Variants in RYR2 observed in about 807,000 individuals in gnomAD.
RYR2 encodes the protein cardiac muscle ryanodine receptor-calcium release channel.
In RYR2, 227 loss-of-function variants were observed where a neutral mutation model predicts 601.1. The observed-to-expected ratio is 0.38, with a 90% CI of 0.34 to 0.42. The LOEUF (loss-of-function observed/expected upper bound fraction) is 0.42. Ranked by LOEUF, RYR2 falls within the 10% of genes least tolerant of loss-of-function variation. The pLI, the probability that RYR2 is intolerant of heterozygous loss-of-function variation, is 1.00. For synonymous variants in RYR2, 2,223 were observed against 2,175.1 expected (o/e 1.02, Z -0.61); for missense variants, 4,646 against 6,156.5 (o/e 0.75, Z 8.21).
intron 1 of RYR2, among the ~76,000 whole-genome samples, chr1:237,153,934 A>C (rs1319788648): frequency 1.3e-5 from 2 of 152,160 alleles, no homozygotes; most frequent in African/African-American, 4.8e-5. Context: ...GTTGGTACTC[A>C]TGACTTTCAA....
intron 17 of RYR2, among the ~76,000 whole-genome samples, chr1:237,477,793 A>G (rs1280534294): frequency 6.6e-6 from 1 of 151,724 alleles, no homozygotes; most frequent in Non-Finnish European, 1.5e-5. Flanking sequence ...TTGCCTCTTG[A>G]TGGCCCTTTT....
At chr1:237,478,789 G>A (rs1005260178) in intron 17 of RYR2, among the ~76,000 whole-genome samples, 1 of 119,860 alleles carries the variant, frequency 8.3e-6, no homozygotes. Context: ...GGCCTTAAGG[G>A]ACCCCCCTAC....
intron 52 of RYR2, 110 bp downstream of exon 52, chr1:237,654,524 G>T: frequency 9.6e-7 from 1 of 1,038,814 alleles, no homozygotes; most frequent in Non-Finnish European, 1.4e-6. Flanking sequence ...ACCAAGACAC[G>T]TATGGCTTGA....
intron 62 of RYR2, among the ~76,000 whole-genome samples, chr1:237,685,664 CCTGT>C (rs1686321585): frequency 6.6e-6 from 1 of 152,012 alleles, no homozygotes; most frequent in African/African-American, 2.4e-5. Context: ...AAAGGCAGAC[CCTGT>C]CTGAGTTAGC....
intron 29 of RYR2, among the ~76,000 whole-genome samples, chr1:237,583,271 G>A (rs1159421054): frequency 2.0e-5 from 3 of 151,786 alleles, no homozygotes; most frequent in Non-Finnish European, 4.4e-5. Context: ...TTTAAATGGG[G>A]GTGATTTGTT....
intron 1 of RYR2, among the ~76,000 whole-genome samples, chr1:237,066,939 T>A (rs1227049389): frequency 6.6e-6 from 1 of 152,198 alleles, no homozygotes; most frequent in African/African-American, 2.4e-5. Flanking sequence ...GCCCGGCATC[T>A]GTGTCTTTTA....
intron 2 of RYR2, among the ~76,000 whole-genome samples, chr1:237,328,995 T>C (rs1414606633): frequency 6.6e-6 from 1 of 152,192 alleles, no homozygotes; most frequent in South Asian, 2.1e-4. Context: ...CTGGTTGGAC[T>C]GCATACTGGA....
intron 26 of RYR2, among the ~76,000 whole-genome samples, chr1:237,549,641 T>C (rs1267568245): frequency 2.7e-5 from 4 of 146,832 alleles, no homozygotes; most frequent in Admixed American, 6.8e-5. Flanking sequence ...TTTTTTTTTT[T>C]TTTTTTTTTT....
chr1:237,674,167 A>C lies in RYR2; in HGVS notation c.8662A>C (p.Lys2888Gln), dbSNP rs573833020. ...CAAAGAGAAAGCCAAGGATAGAGAA[A>C]AAGCACAGGACATCCTCAAGTTCTT... ...TAKEKAKDREKAQDILKFLQI... is the reference protein window; with the variant it reads ...TAKEKAKDREQAQDILKFLQI... Residue 2888 changes from lysine (K) to glutamine (Q), a missense_variant, in exon 59 of 105, where the codon AAA (lysine) becomes CAA (glutamine). Physicochemically the swap from Lys to Gln is moderately conservative, Grantham distance 53. Coordinates refer to ENST00000366574, the MANE Select transcript of RYR2 (RefSeq NM_001035.3). 6.2e-7 allele frequency: 1 copy of C among 1,612,850 alleles called. No individual in the cohort carries two copies. Among genetic ancestry groups the C allele is most frequent in the East Asian group, 2.2e-5 (1 of 44,844 alleles).
intron 1 of RYR2, among the ~76,000 whole-genome samples, chr1:237,128,385 C>T (rs145143883): frequency 0.014 from 2,087 of 152,074 alleles, 39 homozygotes; most frequent in African/African-American, 0.048. Flanking sequence ...AGAGGCAGAC[C>T]GTGGGGAGAG....
At chr1:237,721,746 C>T (rs762644766) in intron 73 of RYR2, among the ~76,000 whole-genome samples, 3 of 152,160 alleles carry the variant, frequency 2.0e-5, no homozygotes, top group Non-Finnish European at 2.9e-5. Context: ...TCTCAAACTC[C>T]TGACCTCAAG....
intron 1 of RYR2, among the ~76,000 whole-genome samples, chr1:237,063,952 T>C (rs1663213517): frequency 6.6e-6 from 1 of 152,184 alleles, no homozygotes. Context: ...CTCACTGTTT[T>C]CCTTTAAAGG....
intron 1 of RYR2, among the ~76,000 whole-genome samples, chr1:237,146,048 T>C (rs899087321): frequency 3.3e-5 from 5 of 152,182 alleles, no homozygotes; most frequent in African/African-American, 7.2e-5. Flanking sequence ...GTGTTGATAA[T>C]AGATATTGAC....
Position 237,798,094 on chromosome 1 carries a change from A to G in RYR2, c.14014A>G (p.Met4672Val), listed in dbSNP as rs1423265074. The change falls in exon 97 of 105, where the codon ATG becomes GTG. Residue 4672 changes from methionine to valine, a missense_variant. Met to Val is a conservative substitution (Grantham distance 21). This residue lies in a region of RYR2 where 76 missense variants were observed against 97.4 expected (regional missense o/e 0.78). Coordinates refer to ENST00000366574, the MANE Select transcript of RYR2 (RefSeq NM_001035.3). Reference protein sequence around the residue: ...GRDRISELLGMDKAALDFSDA... With the variant: ...GRDRISELLGVDKAALDFSDA... ...AGACAGAATCAGTGAATTACTTGGC[A>G]TGGACAAGGCAGCTCTGGACTTCAG... 1 of 1,611,984 alleles carries G rather than the reference A, an allele frequency of 6.2e-7. No individual in the cohort carries two copies. The highest frequency in any genetic ancestry group is 8.5e-7 in the Non-Finnish European group (1 of 1,178,866).
At chr1:237,428,584 C>G (rs1172003746) in intron 12 of RYR2, among the ~76,000 whole-genome samples, 1 of 151,556 alleles carries the variant, frequency 6.6e-6, no homozygotes, top group Non-Finnish European at 1.5e-5. Flanking sequence ...ACATCACACA[C>G]CAGGGCCTCT....
At chr1:237,302,138 A>G (rs1693413833) in intron 2 of RYR2, among the ~76,000 whole-genome samples, 1 of 152,200 alleles carries the variant, frequency 6.6e-6, no homozygotes, top group Non-Finnish European at 1.5e-5. Context: ...ACTTAGAGTG[A>G]TCATTAATGA....
intron 1 of RYR2, among the ~76,000 whole-genome samples, chr1:237,155,511 G>A (rs573389908): frequency 6.6e-6 from 1 of 152,224 alleles, no homozygotes; most frequent in South Asian, 2.1e-4. Context: ...TTCCATTTTG[G>A]AATTTTATTG....
At chr1:237,789,196 A>G (rs945624208) in intron 92 of RYR2, among the ~76,000 whole-genome samples, 1 of 152,120 alleles carries the variant, frequency 6.6e-6, no homozygotes, top group African/African-American at 2.4e-5. Flanking sequence ...TTTGAACAGC[A>G]GAGTCATATT....
At chr1:237,269,076 CT>C (rs541932106) in intron 1 of RYR2, among the ~76,000 whole-genome samples, 2,817 of 105,470 alleles carry the variant, frequency 0.027, 261 homozygotes, top group African/African-American at 0.089. Flanking sequence ...GAGTTTCGCT[CT>C]TGTTGCCCAG....
Sources: allele counts gnomAD v4.1 joint callset (sites outside exome capture counted in the v4.1 genomes callset), GRCh38; gene constraint gnomAD v4.1.1; regional missense constraint gnomAD v4.1.1; transcripts MANE v1.5; gene names NCBI Gene and HGNC (gene_info 2026-07-23, HGNC 2026-07-21).